ZNF226: variants seen among roughly 807,000 people sequenced by gnomAD.
ZNF226 encodes the protein zinc finger protein 226, also known as Kruppel-associated box protein.
ZNF226 carries 6 observed loss-of-function variants against 11.4 expected under a neutral mutation model. The observed-to-expected ratio is 0.53, with a 90% CI of 0.29 to 1.04. The LOEUF is 1.04. Among genes scored for constraint, ZNF226 ranks in the 50% least tolerant of loss-of-function variants. ZNF226 has a pLI of 0.08. For missense variants in ZNF226, 1,058 were observed against 956.5 expected (o/e 1.11, Z -1.40); for synonymous variants, 350 against 322.8 (o/e 1.08, Z -0.90).
the ZNF226 span, among the ~76,000 whole-genome samples, chr19:44,197,550 A>G: frequency 6.6e-6 from 1 of 152,226 alleles, no homozygotes; most frequent in Non-Finnish European, 1.5e-5. Context: ...TTTTTAAAAA[A>G]TCAGTGATTC....
Position 44,177,495 on chromosome 19 carries a change from C to CT in ZNF226, c.2233_2234insT (p.His745LeufsTer12). The CT allele has an allele frequency of 6.2e-7, 1 of 1,614,160 alleles. No individual in the cohort carries two copies. The highest frequency in any genetic ancestry group is 8.5e-7 in the Non-Finnish European group (1 of 1,180,022). On this transcript the variant is annotated frameshift_variant, in exon 6 of 6. Transcript: ENST00000337433. LOFTEE classifies it low-confidence loss of function (END_TRUNC). ...CAGTCGGTCTTCACAACTACAGTCT[C>CT]ATCAGCGAGTTCACACTGGGGAGAA...
At chr19:44,196,690 T>C in the ZNF226 span, among the ~76,000 whole-genome samples, 1 of 152,246 alleles carries the variant, frequency 6.6e-6, no homozygotes, top group Admixed American at 6.5e-5. Flanking sequence ...CCAGCATTTC[T>C]TGTGACCAGG....
the ZNF226 span, among the ~76,000 whole-genome samples, chr19:44,190,170 A>G: frequency 1.3e-5 from 2 of 152,186 alleles, no homozygotes; most frequent in African/African-American, 4.8e-5. Flanking sequence ...TAATTACAGT[A>G]AGACTGATTT....
chr19:44,165,628 C>G (rs1969276702), intron 1 of ZNF226, 129 bp from the exon 2 acceptor site: 2 of 152,178 alleles, frequency 1.3e-5, no homozygotes, highest in African/African-American at 4.8e-5. Flanking sequence ...GTCCATGAAG[C>G]TGGATTGTCC....
At chr19:44,173,368 A>G (rs1970337665) in intron 5 of ZNF226, 1 of 258,092 alleles carries the variant, frequency 3.9e-6, no homozygotes, top group East Asian at 6.9e-5. Context: ...TCTGCCTCAC[A>G]ACCCTGTGTG....
chr19:44,194,787 C>T, the ZNF226 span, among the ~76,000 whole-genome samples: 2 of 152,038 alleles, frequency 1.3e-5, no homozygotes, highest in Non-Finnish European at 2.9e-5. Context: ...AACATACAGA[C>T]AACACAAAAA....
intron 3 of ZNF226, among the ~76,000 whole-genome samples, chr19:44,170,972 A>G (rs956708514): frequency 9.2e-5 from 14 of 151,694 alleles, no homozygotes; most frequent in Admixed American, 2.0e-4. Context: ...TCTTCATTGT[A>G]TGTACTTGTA....
chr19:44,193,427 T>C, the ZNF226 span, among the ~76,000 whole-genome samples: 1 of 149,852 alleles, frequency 6.7e-6, no homozygotes, highest in East Asian at 1.9e-4. Context: ...TTAAGATCAG[T>C]TTTTCATATT....
the ZNF226 span, among the ~76,000 whole-genome samples, chr19:44,194,037 C>A: frequency 6.6e-6 from 1 of 152,136 alleles, no homozygotes; most frequent in South Asian, 2.1e-4. Flanking sequence ...AACTAGTGTA[C>A]CTGACACAGA....
At position 44,170,128 on chromosome 19, in the gene ZNF226, A is replaced by G. The variant is rs140703517; in HGVS notation, c.15+33A>G. The G allele has an allele frequency of 2.8e-4, 452 of 1,608,630 alleles. 2 individuals are homozygous for G. In the African/African-American group the frequency reaches 5.5e-3, roughly 19 times the overall value. ...GAGCTTGCCTTTCCCAGCTGTTAAA[A>G]ATACCATTTTAGTACTCAGAGATGG... On this transcript the variant is annotated intron_variant, in intron 3 of 5. Transcript: ENST00000337433.
the ZNF226 span, among the ~76,000 whole-genome samples, chr19:44,194,325 G>A: frequency 2.0e-5 from 3 of 152,292 alleles, no homozygotes; most frequent in South Asian, 4.1e-4. Flanking sequence ...TGCCCAGGCT[G>A]GAGTGCAGTG....
chr19:44,172,347 C>T lies in ZNF226; in HGVS notation c.142+133C>T, dbSNP rs915178194. 19 of 1,214,692 alleles carry T rather than the reference C, an allele frequency of 1.6e-5. No individual in the cohort carries two copies. The African/African-American group carries it at 2.8e-4, about 18-fold the overall frequency. 75.2% of individuals were successfully genotyped at this position (1,214,692 alleles called of 1,614,324 possible). Reference sequence around the variant, plus strand: ...TGGGATGCAGAGACACTGGATGTTTCTGGTCTTTCTGAACAGAATATTTTA... The same window carrying T: ...TGGGATGCAGAGACACTGGATGTTTTTGGTCTTTCTGAACAGAATATTTTA... On this transcript the variant is annotated intron_variant, in intron 4 of 5. Transcript: ENST00000337433.
the ZNF226 span, among the ~76,000 whole-genome samples, chr19:44,199,167 GTGT>G: frequency 4.6e-5 from 7 of 151,894 alleles, no homozygotes; most frequent in African/African-American, 9.7e-5. Flanking sequence ...CTTTGTTGTT[GTGT>G]TGTTGTTGCT....
intron 5 of ZNF226, chr19:44,173,820 C>T (rs541805133): frequency 1.3e-5 from 2 of 151,866 alleles, no homozygotes; most frequent in Admixed American, 6.6e-5. Context: ...TCCATTTACT[C>T]TCTGTGCACT....
Position 44,170,229 on chromosome 19 carries a change from C to G in ZNF226, c.15+134C>G, listed in dbSNP as rs548479055. The stretch of plus-strand genomic sequence containing the variant: ...GAGTGTGCTAGGTGCTTATTTTGTT[C>G]CGTTTGAGTTTAGCTGGTTTTGGTT... On this transcript the variant is annotated intron_variant, in intron 3 of 5. Transcript: ENST00000337433. 7.9e-6 allele frequency: 6 copies of G among 758,450 alleles called. No homozygotes were observed. In the South Asian group the frequency reaches 1.3e-4, roughly 17 times the overall value. The allele number at this position is 758,450 out of a possible 1,614,324, so 47.0% of individuals were successfully genotyped here.
intron 2 of ZNF226, chr19:44,169,493 T>C: frequency 6.6e-6 from 1 of 152,262 alleles, no homozygotes; most frequent in East Asian, 1.9e-4. Context: ...AACTATCTTA[T>C]AATATTCTGT....
At chr19:44,186,891 C>A in the ZNF226 span, among the ~76,000 whole-genome samples, 3 of 135,618 alleles carry the variant, frequency 2.2e-5, no homozygotes, top group Non-Finnish European at 4.7e-5. Context: ...TTTTTTTAAT[C>A]ATGAAAGGCC....
In ZNF226 at chr19:44,176,105, A is replaced by G. The variant is rs182514929; in HGVS notation, c.843A>G (p.Thr281=). The change falls in exon 6 of 6, where the codon ACA becomes ACG. Residue 281 remains threonine, a synonymous_variant. Transcript: ENST00000337433. ...QQLQSGEKSL[T]CVERGKGFCY... ...TACAATCAGGAGAGAAGTCTCTTAC[A>G]TGTGTTGAGCGTGGAAAAGGCTTCT... 80 of 1,614,190 alleles carry G rather than the reference A, an allele frequency of 5.0e-5. No homozygotes were observed. Among genetic ancestry groups the G allele is most frequent in the Non-Finnish European group, 5.8e-5 (69 of 1,180,030 alleles).
downstream of ZNF226, among the ~76,000 whole-genome samples, chr19:44,182,227 G>A (rs1970915943): frequency 6.6e-6 from 1 of 152,154 alleles, no homozygotes; most frequent in Non-Finnish European, 1.5e-5. Context: ...CTCGACCTTG[G>A]CACAACTGAC....
Sources: allele counts gnomAD v4.1 joint callset (sites outside exome capture counted in the v4.1 genomes callset), GRCh38; gene constraint gnomAD v4.1.1; transcripts MANE v1.5; gene names NCBI Gene and HGNC (gene_info 2026-07-23, HGNC 2026-07-21).